NBAS: variants seen among roughly 807,000 people sequenced by gnomAD.
NBAS encodes NBAS subunit of NRZ tethering complex, also known as NAG/BC035112 fusion.
Under a neutral mutation model 302.5 loss-of-function variants are expected in NBAS, and 219 were observed. The observed-to-expected ratio is 0.72, with a 90% CI of 0.65 to 0.81. The LOEUF (loss-of-function observed/expected upper bound fraction) is 0.81. Among genes scored for constraint, NBAS ranks in the 30% least tolerant of loss-of-function variants. NBAS has a pLI of 0.00. For missense variants in NBAS, 2,932 were observed against 2,841.6 expected (o/e 1.03, Z -0.72); for synonymous variants, 1,118 against 1,021.6 (o/e 1.09, Z -1.80).
chr2:14,830,418 G>A, the NBAS span, among the ~76,000 whole-genome samples: 2 of 152,102 alleles, frequency 1.3e-5, no homozygotes, highest in Non-Finnish European at 2.9e-5. Context: ...TGGAGTTGGA[G>A]ATACATTTGC....
chr2:15,317,577 C>G (rs1671573807), intron 38 of NBAS, among the ~76,000 whole-genome samples: 1 of 152,118 alleles, frequency 6.6e-6, no homozygotes, highest in Non-Finnish European at 1.5e-5. Context: ...GAGCTGAAAA[C>G]CATGGCACGA....
At chr2:15,143,582 G>A in the NBAS span, among the ~76,000 whole-genome samples, 11 of 152,212 alleles carry the variant, frequency 7.2e-5, no homozygotes, top group African/African-American at 2.4e-4. Flanking sequence ...AACAGAGCAC[G>A]TGTGTCCCTC....
chr2:15,143,830 T>C, the NBAS span, among the ~76,000 whole-genome samples: 1 of 151,756 alleles, frequency 6.6e-6, no homozygotes, highest in African/African-American at 2.4e-5. Context: ...CTAGAATATA[T>C]GCAGGCAGAA....
At chr2:14,821,475 G>A in the NBAS span, among the ~76,000 whole-genome samples, 1 of 152,128 alleles carries the variant, frequency 6.6e-6, no homozygotes, top group Admixed American at 6.5e-5. Context: ...TCTCAGCTCA[G>A]GAATGCTTCA....
Position 15,330,722 on chromosome 2 carries a change from C to A in NBAS, c.4223G>T (p.Arg1408Leu), listed in dbSNP as rs778741498. The change falls in exon 36 of 52, where the codon CGC (arginine) becomes CTC (leucine). Residue 1408 changes from arginine to leucine, a missense_variant. Coordinates refer to ENST00000281513, the MANE Select transcript of NBAS (RefSeq NM_015909.4). ...TTTCATGGTGGTAGCAGTGGTCCAG[C>A]GCAATAGGTCAGCTGAATTGCTACC... ...VPGSNSADLL[R>L]WTTATTMKVL... is the part of the protein sequence containing the mutation. 2.5e-6 allele frequency: 4 copies of A among 1,613,846 alleles called. No individual in the cohort carries two copies. In the African/African-American group the frequency reaches 4.0e-5, roughly 16 times the overall value.
chr2:15,214,085 CA>C (rs1279776457), intron 48 of NBAS, among the ~76,000 whole-genome samples: 1 of 152,174 alleles, frequency 6.6e-6, no homozygotes, highest in Non-Finnish European at 1.5e-5. Context: ...GCTTGCATGT[CA>C]GGGGGAAGTG....
At chr2:15,144,890 T>C in the NBAS span, among the ~76,000 whole-genome samples, 1 of 152,194 alleles carries the variant, frequency 6.6e-6, no homozygotes, top group Non-Finnish European at 1.5e-5. Flanking sequence ...TAGCAATATA[T>C]AAAGCCTTAA....
At chr2:14,935,816 ACTTT>A in the NBAS span, among the ~76,000 whole-genome samples, 1 of 152,130 alleles carries the variant, frequency 6.6e-6, no homozygotes. Flanking sequence ...GCATAATTAT[ACTTT>A]CTAAGACTTT....
intron 44 of NBAS, among the ~76,000 whole-genome samples, chr2:15,269,238 A>G (rs1245615822): frequency 6.6e-6 from 1 of 152,220 alleles, no homozygotes. Context: ...TATGTGAAAC[A>G]TATCAGTCTC....
chr2:15,250,573 G>T (rs1176142720), intron 44 of NBAS, among the ~76,000 whole-genome samples: 2 of 152,114 alleles, frequency 1.3e-5, no homozygotes, highest in African/African-American at 4.8e-5. Flanking sequence ...ATCTGACACA[G>T]GGCTAATATC....
At chr2:15,246,733 T>C (rs925682037) in intron 44 of NBAS, among the ~76,000 whole-genome samples, 5 of 152,208 alleles carry the variant, frequency 3.3e-5, no homozygotes, top group Admixed American at 3.3e-4. Context: ...CACAACGGCA[T>C]CAAGCTACTG....
chr2:15,439,406 C>G (rs1015523049), intron 21 of NBAS, among the ~76,000 whole-genome samples: 4 of 151,656 alleles, frequency 2.6e-5, no homozygotes, highest in African/African-American at 9.7e-5. Context: ...AAAAGGTAAA[C>G]CTCAAGATCA....
chr2:15,159,338 G>A, the NBAS span, among the ~76,000 whole-genome samples: 1 of 152,180 alleles, frequency 6.6e-6, no homozygotes, highest in Non-Finnish European at 1.5e-5. Context: ...ACAATCCCAT[G>A]TTTGGGATAG....
At chr2:15,130,292 C>T in the NBAS span, among the ~76,000 whole-genome samples, 14 of 152,192 alleles carry the variant, frequency 9.2e-5, no homozygotes, top group Non-Finnish European at 1.6e-4. Context: ...ATTATTCATT[C>T]GTATTTTTTT....
chr2:15,166,311 C>T (rs973463733), downstream of NBAS, among the ~76,000 whole-genome samples: 14 of 152,150 alleles, frequency 9.2e-5, no homozygotes, highest in African/African-American at 2.2e-4. Flanking sequence ...TGCCTATGTA[C>T]GTTTATGGAC....
In NBAS at chr2:15,484,792, C is replaced by G. The variant is rs1336540119; in HGVS notation, c.1083+4102G>C. Among the ~76,000 whole-genome samples, 3 of 152,154 alleles carry G rather than the reference C, an allele frequency of 2.0e-5. No homozygotes were observed. In the East Asian group the frequency reaches 5.8e-4, roughly 30 times the overall value. ...GAGCAGGGACTATGACACTGTATTC[C>G]CTACTGGAGCTCTTAGTAGAGTCAA... On this transcript the variant is annotated intron_variant, in intron 12 of 51. Transcript: ENST00000281513.
the NBAS span, among the ~76,000 whole-genome samples, chr2:14,819,604 C>A: frequency 1.3e-5 from 2 of 152,310 alleles, no homozygotes; most frequent in East Asian, 1.9e-4. Flanking sequence ...CCCAATAGGA[C>A]TAAGTCATAG....
At chr2:14,860,230 C>CG in the NBAS span, among the ~76,000 whole-genome samples, 1 of 151,992 alleles carries the variant, frequency 6.6e-6, no homozygotes, top group Non-Finnish European at 1.5e-5. Context: ...ACATTGTTGA[C>CG]GGGAATGTAA....
At chr2:15,356,237 G>C in intron 33 of NBAS, 66 bp downstream of exon 33, 13 of 1,342,260 alleles carry the variant, frequency 9.7e-6, no homozygotes, top group Non-Finnish European at 1.3e-5. Flanking sequence ...TTTCAGAACA[G>C]ACCTTTTCCA....
Sources: allele counts gnomAD v4.1 joint callset (sites outside exome capture counted in the v4.1 genomes callset), GRCh38; gene constraint gnomAD v4.1.1; transcripts MANE v1.5; gene names NCBI Gene and HGNC (gene_info 2026-07-23, HGNC 2026-07-21).